Variants in CDIN1 observed in about 807,000 individuals in gnomAD.
The protein encoded by CDIN1 is CDAN1 interacting nuclease 1.
In CDIN1, 33 loss-of-function variants were observed where a neutral mutation model predicts 45.3. The ratio of observed to expected loss-of-function variants is 0.73; its 90% CI spans 0.55 to 0.97. CDIN1 has a LOEUF of 0.97. CDIN1 is among the 50% of genes least tolerant of loss of function. The probability of loss-of-function intolerance (pLI) is 0.00; values close to 1 mark genes in which losing one functional copy is unlikely to be tolerated. For synonymous variants in CDIN1, 118 were observed against 124.4 expected, an observed-to-expected ratio of 0.95 and a Z score of 0.34; for missense variants, 303 against 339.4, an observed-to-expected ratio of 0.89 and a Z score of 0.84.
At chr15:36,619,153 G>C (rs1008223544) in intron 1 of CDIN1, 2 of 1,139,662 alleles carry the variant, frequency 1.8e-6, no homozygotes, top group Non-Finnish European at 2.6e-6. Context: ...CATTCCCAGG[G>C]GAGCAGCTGG....
intron 10 of CDIN1, among the ~76,000 whole-genome samples, chr15:36,764,770 C>T (rs2141007648): frequency 6.6e-6 from 1 of 152,252 alleles, no homozygotes; most frequent in Admixed American, 6.5e-5. Context: ...AAGATGTATC[C>T]ATGGGGCTCA....
intron 10 of CDIN1, among the ~76,000 whole-genome samples, chr15:36,789,683 T>G (rs1376232135): frequency 1.3e-5 from 2 of 152,186 alleles, no homozygotes; most frequent in East Asian, 1.9e-4. Flanking sequence ...TCTCAAAGGC[T>G]TCCTCTTAAA....
intron 10 of CDIN1, among the ~76,000 whole-genome samples, chr15:36,794,539 A>C (rs2054739870): frequency 6.6e-6 from 1 of 152,198 alleles, no homozygotes; most frequent in South Asian, 2.1e-4. Context: ...GAGTGAAAGC[A>C]TACAGTATTT....
intron 10 of CDIN1, among the ~76,000 whole-genome samples, chr15:36,746,777 T>TTTTTTTA (rs71126235): frequency 7.1e-6 from 1 of 141,294 alleles, no homozygotes; most frequent in Non-Finnish European, 1.5e-5. Flanking sequence ...TTTTTTTTTT[T>TTTTTTTA]GAGACAGGGT....
chr15:36,594,300 CT>C (rs1233773349), intron 1 of CDIN1, among the ~76,000 whole-genome samples: 1 of 152,040 alleles, frequency 6.6e-6, no homozygotes, highest in Non-Finnish European at 1.5e-5. Context: ...TTGAGTGACA[CT>C]TTGAAAAAAA....
At chr15:36,703,200 AGAGT>A (rs1044382878) in intron 8 of CDIN1, among the ~76,000 whole-genome samples, 8 of 100,390 alleles carry the variant, frequency 8.0e-5, no homozygotes, top group African/African-American at 2.8e-4. Context: ...CCTGGGCAAT[AGAGT>A]GAGACCCTGT....
chr15:36,800,944 T>G (rs1222277427), intron 10 of CDIN1, among the ~76,000 whole-genome samples: 2 of 123,478 alleles, frequency 1.6e-5, no homozygotes, highest in African/African-American at 5.6e-5. Flanking sequence ...TATATATATA[T>G]GATTCTCTGC....
chr15:36,606,162 G>A (rs1261998124), intron 1 of CDIN1, among the ~76,000 whole-genome samples: 1 of 151,994 alleles, frequency 6.6e-6, no homozygotes, highest in Non-Finnish European at 1.5e-5. Context: ...CACGCATTGT[G>A]TAGTGTTACA....
intron 5 of CDIN1, among the ~76,000 whole-genome samples, chr15:36,680,478 A>G (rs2041811928): frequency 6.6e-6 from 1 of 152,180 alleles, no homozygotes; most frequent in Admixed American, 6.5e-5. Flanking sequence ...AATGATAGAC[A>G]AAATTTTTAA....
intron 1 of CDIN1, among the ~76,000 whole-genome samples, chr15:36,632,425 C>T (rs182360227): frequency 7.7e-4 from 118 of 152,320 alleles, no homozygotes; most frequent in African/African-American, 2.5e-3. Context: ...ACTCATATCA[C>T]AGAAGAGGAG....
chr15:36,746,790 C>T, intron 10 of CDIN1: 1 of 143,158 alleles, frequency 7.0e-6, no homozygotes. Context: ...GACAGGGTCT[C>T]ACTCTGTTGC....
chr15:36,702,727 CA>C (rs1949708006), intron 8 of CDIN1, among the ~76,000 whole-genome samples: 1 of 152,098 alleles, frequency 6.6e-6, no homozygotes, highest in African/African-American at 2.4e-5. Context: ...TAATAGGATC[CA>C]GAAGGCAAAA....
intron 5 of CDIN1, among the ~76,000 whole-genome samples, chr15:36,664,503 C>T (rs986299078): frequency 2.0e-5 from 3 of 152,102 alleles, no homozygotes; most frequent in East Asian, 3.9e-4. Flanking sequence ...CTAGCTCATT[C>T]TAGAGGGTAA....
intron 1 of CDIN1, among the ~76,000 whole-genome samples, chr15:36,616,471 G>A (rs1012855457): frequency 2.0e-5 from 3 of 151,866 alleles, no homozygotes; most frequent in South Asian, 4.2e-4. Flanking sequence ...TAGTAGAGAC[G>A]GAGTTTCTTC....
chr15:36,676,525 C>A (rs2041655776), intron 5 of CDIN1, among the ~76,000 whole-genome samples: 1 of 152,192 alleles, frequency 6.6e-6, no homozygotes, highest in African/African-American at 2.4e-5. Context: ...GCCCTTGTCT[C>A]ATTGAATAAT....
chr15:36,745,966 C>T (rs376847369), intron 10 of CDIN1, among the ~76,000 whole-genome samples: 12 of 149,204 alleles, frequency 8.0e-5, no homozygotes, highest in African/African-American at 3.0e-4. Context: ...ACGCCATCTC[C>T]AAAAAAAAAG....
intron 3 of CDIN1, among the ~76,000 whole-genome samples, chr15:36,649,943 G>T (rs1288074757): frequency 6.6e-6 from 1 of 152,210 alleles, no homozygotes. Flanking sequence ...CATAATGAGT[G>T]TAAAGCAGAT....
At chr15:36,606,621 G>A (rs2038390357) in intron 1 of CDIN1, among the ~76,000 whole-genome samples, 1 of 152,170 alleles carries the variant, frequency 6.6e-6, no homozygotes, top group Non-Finnish European at 1.5e-5. Flanking sequence ...GGTAAAAGCA[G>A]TCTTGGATAA....
chr15:36,720,727 G>A lies in CDIN1; in HGVS notation c.716+10766G>A, dbSNP rs71468822. 2.4e-3 allele frequency among the ~76,000 whole-genome samples: 362 copies of A among 152,162 alleles called. 2 individuals carry two copies. The highest frequency in any genetic ancestry group is 4.3e-3 in the Non-Finnish European group (295 of 68,010). On this transcript the variant is annotated intron_variant, in intron 10 of 10. Coordinates refer to ENST00000566621, the MANE Select transcript of CDIN1 (RefSeq NM_001321759.2). Reference sequence around the variant, plus strand: ...AGTCTTTGCTATTGTGAATAGTGCCGCAATAAACATACGTGTGCATGTGTC... The same window carrying A: ...AGTCTTTGCTATTGTGAATAGTGCCACAATAAACATACGTGTGCATGTGTC...
Sources: allele counts gnomAD v4.1 joint callset (sites outside exome capture counted in the v4.1 genomes callset), GRCh38; gene constraint gnomAD v4.1.1; transcripts MANE v1.5; gene names NCBI Gene and HGNC (gene_info 2026-07-23, HGNC 2026-07-21).